The following KCNAB1 variants were observed in gnomAD, a reference collection of about 807,000 sequenced individuals.
The protein encoded by KCNAB1 is potassium voltage-gated channel subfamily A regulatory beta subunit 1, also known as voltage-gated potassium channel subunit beta-1.
In KCNAB1, 35 loss-of-function variants were observed where a neutral mutation model predicts 64.6. That is an observed-to-expected ratio of 0.54 (90% CI 0.41 to 0.72). The LOEUF is 0.72. KCNAB1 is among the 30% of genes least tolerant of loss of function. The probability of loss-of-function intolerance (pLI) is 0.00; values close to 1 mark genes in which losing one functional copy is unlikely to be tolerated. For missense variants in KCNAB1, 401 were observed against 512.9 expected (o/e 0.78, Z 2.11); for synonymous variants, 177 against 183.8 (o/e 0.96, Z 0.30).
intron 1 of KCNAB1, among the ~76,000 whole-genome samples, chr3:156,401,129 G>A (rs1713860830): frequency 6.6e-6 from 1 of 152,210 alleles, no homozygotes; most frequent in African/African-American, 2.4e-5. Flanking sequence ...GGGGATCTCA[G>A]ACCTAGTCAC....
intron 1 of KCNAB1, among the ~76,000 whole-genome samples, chr3:156,360,753 T>C (rs1725555153): frequency 6.6e-6 from 1 of 151,342 alleles, no homozygotes; most frequent in Admixed American, 6.6e-5. Flanking sequence ...AAAACCAAAA[T>C]GTTGGAATCA....
intron 5 of KCNAB1, among the ~76,000 whole-genome samples, chr3:156,461,777 C>A (rs1712931146): frequency 6.6e-6 from 1 of 152,200 alleles, no homozygotes; most frequent in South Asian, 2.1e-4. Context: ...GAAAATAGAT[C>A]ACCATGCATT....
chr3:156,323,783 A>G (rs1230772999), intron 1 of KCNAB1, among the ~76,000 whole-genome samples: 1 of 152,140 alleles, frequency 6.6e-6, no homozygotes, highest in Non-Finnish European at 1.5e-5. Context: ...CAATCTTTCC[A>G]TCTTTTATAC....
intron 1 of KCNAB1, among the ~76,000 whole-genome samples, chr3:156,139,617 C>T (rs1221412636): frequency 9.8e-6 from 1 of 101,754 alleles, no homozygotes; most frequent in African/African-American, 3.6e-5. Flanking sequence ...TTTTGTTCCC[C>T]CTAGCTTTTC....
chr3:156,311,497 A>G (rs1236995768), intron 1 of KCNAB1, among the ~76,000 whole-genome samples: 2 of 152,142 alleles, frequency 1.3e-5, no homozygotes, highest in Non-Finnish European at 2.9e-5. Flanking sequence ...AGTGGGGAGA[A>G]CAGGTGAGCT....
chr3:156,172,877 C>A (rs76382742), intron 1 of KCNAB1, among the ~76,000 whole-genome samples: 137 of 152,324 alleles, frequency 9.0e-4, no homozygotes, highest in African/African-American at 3.2e-3. Context: ...TAAGCTAGAG[C>A]AGTTCCAATC....
intron 2 of KCNAB1, among the ~76,000 whole-genome samples, chr3:156,449,321 T>C (rs1158124438): frequency 1.3e-5 from 2 of 152,240 alleles, no homozygotes; most frequent in Non-Finnish European, 2.9e-5. Context: ...TATTTTTCAC[T>C]GTGATGTACA....
chr3:156,408,433 A>G (rs1714406175), intron 1 of KCNAB1, among the ~76,000 whole-genome samples: 1 of 152,186 alleles, frequency 6.6e-6, no homozygotes, highest in African/African-American at 2.4e-5. Context: ...AATGGGAACA[A>G]GAGTGCCTAC....
At chr3:156,366,440 C>G (rs1263705554) in intron 1 of KCNAB1, among the ~76,000 whole-genome samples, 1 of 152,144 alleles carries the variant, frequency 6.6e-6, no homozygotes. Context: ...CTGGGCCATA[C>G]TAAGTGCTCA....
chr3:156,459,380 C>T lies in KCNAB1; in HGVS notation c.438-447C>T, dbSNP rs1000210405. 4.6e-5 allele frequency among the ~76,000 whole-genome samples: 7 copies of T among 152,124 alleles called. No individual in the cohort carries two copies. In the South Asian group the frequency reaches 1.0e-3, roughly 23 times the overall value. ...ATGTGGGACATCTAAACCCACACAT[C>T]GGTTCTCAGTTTATACCTGGGAGCA... On this transcript the variant is annotated intron_variant, in intron 4 of 13. Transcript: ENST00000490337.
At chr3:156,340,738 C>G (rs1419917559) in intron 1 of KCNAB1, among the ~76,000 whole-genome samples, 2 of 152,238 alleles carry the variant, frequency 1.3e-5, no homozygotes, top group African/African-American at 4.8e-5. Flanking sequence ...GTGATCATCT[C>G]AACAGATTGG....
At chr3:156,131,090 A>AGCTCTGAGAGC (rs1713969121) in intron 1 of KCNAB1, among the ~76,000 whole-genome samples, 1 of 152,232 alleles carries the variant, frequency 6.6e-6, no homozygotes, top group Admixed American at 6.5e-5. Flanking sequence ...CTAGACAGCA[A>AGCTCTGAGAGC]TAGCTGCCCA....
intron 8 of KCNAB1, among the ~76,000 whole-genome samples, chr3:156,502,840 G>T (rs542255792): frequency 1.3e-5 from 2 of 152,260 alleles, no homozygotes; most frequent in South Asian, 4.2e-4. Flanking sequence ...CACAAATGAA[G>T]ATATAAGTCA....
chr3:156,421,351 G>C (rs920556623), intron 1 of KCNAB1, among the ~76,000 whole-genome samples: 7 of 152,214 alleles, frequency 4.6e-5, no homozygotes, highest in Admixed American at 1.3e-4. Flanking sequence ...GGGTAAACAA[G>C]TTAATAAAGA....
At chr3:156,300,330 C>T (rs1451266821) in intron 1 of KCNAB1, among the ~76,000 whole-genome samples, 6 of 152,302 alleles carry the variant, frequency 3.9e-5, no homozygotes, top group South Asian at 2.1e-4. Context: ...AATTTTCTGC[C>T]TCATAAGGTT....
At chr3:156,263,483 G>T (rs578146271) in intron 1 of KCNAB1, among the ~76,000 whole-genome samples, 2 of 152,104 alleles carry the variant, frequency 1.3e-5, no homozygotes, top group African/African-American at 4.8e-5. Context: ...TGTGTTTGAA[G>T]AATATATTTT....
chr3:156,299,774 A>G (rs964518263), intron 1 of KCNAB1, among the ~76,000 whole-genome samples: 1 of 152,138 alleles, frequency 6.6e-6, no homozygotes, highest in African/African-American at 2.4e-5. Flanking sequence ...CACACAGGCC[A>G]TCTGGTCTAG....
At chr3:156,300,432 A>G in intron 1 of KCNAB1, among the ~76,000 whole-genome samples, 1 of 152,162 alleles carries the variant, frequency 6.6e-6, no homozygotes, top group East Asian at 1.9e-4. Context: ...TCTGACTCCC[A>G]ACTGTAACTA....
chr3:156,218,396 T>C (rs1715459785), intron 1 of KCNAB1, among the ~76,000 whole-genome samples: 1 of 152,182 alleles, frequency 6.6e-6, no homozygotes, highest in African/African-American at 2.4e-5. Context: ...TAACTGGTGG[T>C]CTTTCTCTAC....
Sources: gnomAD v4.1 joint callset for allele counts (sites outside exome capture counted in the v4.1 genomes callset) on GRCh38, gnomAD v4.1.1 for gene constraint, MANE v1.5 for transcripts, NCBI Gene and HGNC (gene_info 2026-07-23, HGNC 2026-07-21) for gene names.